The following ZFPM2 variants were observed in gnomAD, a reference collection of about 807,000 sequenced individuals.
ZFPM2 encodes the protein zinc finger protein ZFPM2.
In ZFPM2, 20 loss-of-function variants were observed where a neutral mutation model predicts 98.6. That is an observed-to-expected ratio of 0.20 (90% CI 0.14 to 0.29). The LOEUF (loss-of-function observed/expected upper bound fraction) is 0.29. ZFPM2 is among the 10% of genes least tolerant of loss of function. The probability of loss-of-function intolerance (pLI) is 1.00; values close to 1 mark genes in which losing one functional copy is unlikely to be tolerated. For missense variants in ZFPM2, 1,310 were observed against 1,388.6 expected, an observed-to-expected ratio of 0.94 and a Z score of 0.90; for synonymous variants, 518 against 502.7, an observed-to-expected ratio of 1.03 and a Z score of -0.41.
At chr8:105,613,051 C>T (rs1236596648) in intron 4 of ZFPM2, among the ~76,000 whole-genome samples, 1 of 152,138 alleles carries the variant, frequency 6.6e-6, no homozygotes, top group Non-Finnish European at 1.5e-5. Flanking sequence ...CAGTAAGTGT[C>T]TTGTTGATTG....
chr8:105,393,336 G>GTT lies in ZFPM2; in HGVS notation c.41-25808_41-25807insTT, dbSNP rs1491555858. Among the ~76,000 whole-genome samples, 5 of 34,142 alleles carry GTT rather than the reference G, an allele frequency of 1.5e-4. 1 individual carries two copies. The highest frequency in any genetic ancestry group is 6.1e-4 in the African/African-American group (5 of 8,224). The allele number at this position is 34,142 out of a possible 152,430, so 22.4% of individuals were successfully genotyped here. A position where few individuals can be genotyped will look rare whatever the true frequency, so the allele number is the denominator to read the frequency against. On this transcript the variant is annotated intron_variant, in intron 1 of 7. Transcript: ENST00000407775. Reference sequence around the variant, plus strand: ...TTCTTCCTTCCCTCTCTCTCTCTTTGCCTTTCTTTCTTTCTTTCTTTCTTT... The same window carrying GTT: ...TTCTTCCTTCCCTCTCTCTCTCTTTGTTCCTTTCTTTCTTTCTTTCTTTCTTT...
chr8:105,503,748 A>C (rs1373596481), intron 3 of ZFPM2, among the ~76,000 whole-genome samples: 3 of 152,212 alleles, frequency 2.0e-5, no homozygotes, highest in Non-Finnish European at 4.4e-5. Context: ...ATTTACTCAC[A>C]TTGATAAAGT....
intron 5 of ZFPM2, among the ~76,000 whole-genome samples, chr8:105,713,623 C>A (rs1451372362): frequency 1.3e-5 from 2 of 151,724 alleles, no homozygotes; most frequent in East Asian, 3.9e-4. Flanking sequence ...AGTCTTTAAT[C>A]CATCTTGAGT....
At position 105,566,548 on chromosome 8, in the gene ZFPM2, A is replaced by C. The variant is rs529883243; in HGVS notation, c.420+5067A>C. Among the ~76,000 whole-genome samples, 11 of 152,300 alleles carry C rather than the reference A, an allele frequency of 7.2e-5. No homozygotes were observed. In the South Asian group the frequency reaches 2.3e-3, roughly 32 times the overall value. ...TTTCCCCATATTCTCCCAAGGACAA[A>C]GATCCTTGCAATAAACTAAATCTCA... On this transcript the variant is annotated intron_variant, in intron 4 of 7. Transcript: ENST00000407775.
intron 1 of ZFPM2, among the ~76,000 whole-genome samples, chr8:105,371,682 A>C (rs1810624157): frequency 6.6e-6 from 1 of 152,228 alleles, no homozygotes; most frequent in Non-Finnish European, 1.5e-5. Context: ...TATGAAATTA[A>C]AATACAAATT....
At position 105,380,439 on chromosome 8, in the gene ZFPM2, C is replaced by A. The variant is rs1463318028; in HGVS notation, c.41-38705C>A. On this transcript the variant is annotated intron_variant, in intron 1 of 7. Transcript: ENST00000407775. ...TGGGCTGTGGTGTTCTTCTCTTGAA[C>A]ACTGAATCTCACTCACGATCAACAT... Among the ~76,000 whole-genome samples the A allele has an allele frequency of 1.1e-4, 16 of 149,306 alleles. No individual in the cohort carries two copies. In the East Asian group the frequency reaches 2.2e-3, roughly 21 times the overall value.
chr8:105,710,095 T>C (rs1811347149), intron 5 of ZFPM2, among the ~76,000 whole-genome samples: 1 of 151,740 alleles, frequency 6.6e-6, no homozygotes, highest in African/African-American at 2.4e-5. Flanking sequence ...TCTGATCCTT[T>C]TTTTTTTTTC....
At chr8:105,411,000 G>C (rs912227343) in intron 1 of ZFPM2, among the ~76,000 whole-genome samples, 2 of 151,722 alleles carry the variant, frequency 1.3e-5, no homozygotes, top group African/African-American at 4.8e-5. Context: ...AACCAGGAAA[G>C]GACCATGGAT....
At chr8:105,793,461 A>G (rs899240310) in intron 6 of ZFPM2, among the ~76,000 whole-genome samples, 48 of 152,160 alleles carry the variant, frequency 3.2e-4, no homozygotes, top group Non-Finnish European at 5.1e-4. Flanking sequence ...ATCCGCTGTT[A>G]GTCTGATGGG....
intron 3 of ZFPM2, among the ~76,000 whole-genome samples, chr8:105,517,710 CACACACACA>C (rs1563695420): frequency 8.4e-5 from 8 of 95,236 alleles, no homozygotes; most frequent in East Asian, 1.6e-3. Context: ...ACACACACCA[CACACACACA>C]CACACACACA....
chr8:105,437,252 TTAAA>T (rs1812139216), intron 2 of ZFPM2, among the ~76,000 whole-genome samples: 1 of 152,184 alleles, frequency 6.6e-6, no homozygotes, highest in South Asian at 2.1e-4. Flanking sequence ...TAGTGCTTCT[TTAAA>T]TACTCGGCAA....
chr8:105,613,117 A>T (rs1392578638), intron 4 of ZFPM2, among the ~76,000 whole-genome samples: 1 of 152,196 alleles, frequency 6.6e-6, no homozygotes, highest in Admixed American at 6.5e-5. Flanking sequence ...GATATATGTA[A>T]TAATAATTAA....
At chr8:105,746,656 T>A (rs1812355598) in intron 5 of ZFPM2, among the ~76,000 whole-genome samples, 1 of 50,864 alleles carries the variant, frequency 2.0e-5, no homozygotes, top group Non-Finnish European at 3.9e-5. Context: ...TTTTTAAAAA[T>A]TTTTTTTTTT....
chr8:105,326,211 T>C (rs2130655691), intron 1 of ZFPM2, among the ~76,000 whole-genome samples: 1 of 151,846 alleles, frequency 6.6e-6, no homozygotes, highest in Admixed American at 6.6e-5. Flanking sequence ...ACAAATATAA[T>C]AAAAGATCGT....
intron 1 of ZFPM2, 126 bp downstream of exon 1, chr8:105,319,107 A>C: frequency 2.6e-6 from 3 of 1,158,436 alleles, no homozygotes; most frequent in Non-Finnish European, 3.4e-6. Flanking sequence ...TAGATGTCTC[A>C]AACTTTGCCT....
chr8:105,661,210 G>A (rs1280669811), intron 5 of ZFPM2, among the ~76,000 whole-genome samples: 6 of 152,226 alleles, frequency 3.9e-5, no homozygotes, highest in Admixed American at 1.3e-4. Flanking sequence ...GTTAAGAGGA[G>A]GATTGTCTCT....
chr8:105,381,654 G>A (rs1218027347), intron 1 of ZFPM2, among the ~76,000 whole-genome samples: 1 of 151,950 alleles, frequency 6.6e-6, no homozygotes, highest in Admixed American at 6.6e-5. Context: ...TTTGACTGAA[G>A]GTCTTTAATA....
intron 6 of ZFPM2, among the ~76,000 whole-genome samples, chr8:105,792,762 G>C (rs903761189): frequency 1.1e-4 from 16 of 152,054 alleles, no homozygotes; most frequent in Admixed American, 8.5e-4. Context: ...TATGAATCTG[G>C]GTGCTCCTGT....
At position 105,544,470 on chromosome 8, in the gene ZFPM2, A is replaced by C. The variant is rs571136300; in HGVS notation, c.302-16893A>C. Among the ~76,000 whole-genome samples, 17 of 152,238 alleles carry C rather than the reference A, an allele frequency of 1.1e-4. 1 individual carries two copies. The South Asian group carries it at 3.5e-3, about 32-fold the overall frequency. ...TTATTCTATTAAGTAGTCTCATTTC[A>C]AATCTTGTTTATATTATTCTCTTGC... On this transcript the variant is annotated intron_variant, in intron 3 of 7. Transcript: ENST00000407775.
Sources: allele counts gnomAD v4.1 joint callset (sites outside exome capture counted in the v4.1 genomes callset), GRCh38; gene constraint gnomAD v4.1.1; transcripts MANE v1.5; gene names NCBI Gene and HGNC (gene_info 2026-07-23, HGNC 2026-07-21).